SPIDR: variants seen among roughly 807,000 people sequenced by gnomAD.
SPIDR encodes the protein scaffold protein involved in DNA repair.
In SPIDR, 93 loss-of-function variants were observed where a neutral mutation model predicts 104.6. That is an observed-to-expected ratio of 0.89 (90% confidence interval 0.75 to 1.06). The LOEUF is 1.06. Ranked by LOEUF, SPIDR falls within the 50% of genes least tolerant of loss-of-function variation. The pLI, the probability that SPIDR is intolerant of heterozygous loss-of-function variation, is 0.00. For synonymous variants in SPIDR, 431 were observed against 416.9 expected (o/e 1.03, Z -0.41); for missense variants, 1,154 against 1,111.2 (o/e 1.04, Z -0.55).
intron 5 of SPIDR, among the ~76,000 whole-genome samples, chr8:47,310,264 G>T (rs900652539): frequency 2.2e-4 from 33 of 151,362 alleles, no homozygotes; most frequent in African/African-American, 7.8e-4. Flanking sequence ...AACCCAGGAG[G>T]TGGAGGTCGC....
chr8:47,367,979 C>T (rs752821302), intron 5 of SPIDR, among the ~76,000 whole-genome samples: 3 of 152,016 alleles, frequency 2.0e-5, no homozygotes, highest in Admixed American at 1.3e-4. Flanking sequence ...TACCACAGAT[C>T]GAGTGGCGTA....
rs375140101 is a variant in SPIDR at position 47,303,214 on chromosome 8, G to A, written c.525+9184G>A. Reference sequence around the variant, plus strand: ...TCAGACTGCTGTGCTAGCAATGAGCGAGGCTCCGTGGGCGTAGGACTCTCC... The same window carrying A: ...TCAGACTGCTGTGCTAGCAATGAGCAAGGCTCCGTGGGCGTAGGACTCTCC... On this transcript the variant is annotated intron_variant, in intron 5 of 19. Coordinates refer to ENST00000297423, the MANE Select transcript of SPIDR (RefSeq NM_001080394.4). Among the ~76,000 whole-genome samples the A allele has an allele frequency of 1.3e-4, 20 of 152,204 alleles. No individual in the cohort carries two copies. In the East Asian group the frequency reaches 3.1e-3, roughly 24 times the overall value.
chr8:47,551,121 A>C (rs557380599), intron 8 of SPIDR, among the ~76,000 whole-genome samples: 5 of 152,252 alleles, frequency 3.3e-5, no homozygotes, highest in African/African-American at 4.8e-5. Flanking sequence ...GGATGAAGCC[A>C]ACTTGCTCGT....
intron 10 of SPIDR, chr8:47,653,834 A>G (rs2072155417): frequency 3.7e-6 from 1 of 273,570 alleles, no homozygotes; most frequent in Non-Finnish European, 5.6e-6. Flanking sequence ...TATAATACAT[A>G]GTAAATGTGA....
chr8:47,710,471 T>C (rs1167673829), intron 14 of SPIDR, among the ~76,000 whole-genome samples: 4 of 136,826 alleles, frequency 2.9e-5, no homozygotes, highest in African/African-American at 8.6e-5. Context: ...AATATTCACC[T>C]TTTTTTTTTT....
At position 47,707,473 on chromosome 8, in the gene SPIDR, A is replaced by G. The variant is rs1255506828; in HGVS notation, c.1978-5189A>G. Among the ~76,000 whole-genome samples the G allele has an allele frequency of 6.6e-5, 10 of 152,122 alleles. 1 individual carries two copies. In the South Asian group the frequency reaches 1.0e-3, roughly 16 times the overall value. ...TTGTTGAGTCTTTAAAGTTATTTCT[A>G]TTTTTTAAATACAAAACCTTTGTCA... On this transcript the variant is annotated intron_variant, in intron 14 of 19. Coordinates refer to ENST00000297423, the MANE Select transcript of SPIDR (RefSeq NM_001080394.4).
intron 10 of SPIDR, among the ~76,000 whole-genome samples, chr8:47,667,044 G>A (rs982343709): frequency 6.6e-6 from 1 of 152,128 alleles, no homozygotes; most frequent in African/African-American, 2.4e-5. Flanking sequence ...ACTTTGGGAG[G>A]CCAAGGCAGG....
intron 8 of SPIDR, among the ~76,000 whole-genome samples, chr8:47,519,870 A>C (rs996384584): frequency 6.6e-6 from 1 of 152,216 alleles, no homozygotes; most frequent in Non-Finnish European, 1.5e-5. Flanking sequence ...CATATGCTTG[A>C]TTGGAGACAT....
At chr8:47,370,439 ATTT>A (rs34220804) in intron 5 of SPIDR, among the ~76,000 whole-genome samples, 2 of 99,074 alleles carry the variant, frequency 2.0e-5, no homozygotes. Flanking sequence ...AGAGGTCAAG[ATTT>A]TTTTTTTTTT....
intron 5 of SPIDR, among the ~76,000 whole-genome samples, chr8:47,359,769 T>C (rs1472811866): frequency 1.3e-5 from 2 of 152,216 alleles, no homozygotes; most frequent in Non-Finnish European, 2.9e-5. Flanking sequence ...TCATAATTAG[T>C]GGTTTTCATT....
chr8:47,440,228 C>T (rs2069145513), intron 7 of SPIDR, 95 bp from the exon 8 acceptor site: 7 of 1,072,316 alleles, frequency 6.5e-6, no homozygotes, highest in Non-Finnish European at 9.6e-6. Flanking sequence ...AGAGTGCTAT[C>T]TGCATGTGGA....
intron 5 of SPIDR, among the ~76,000 whole-genome samples, chr8:47,351,317 C>T (rs1322964804): frequency 2.0e-5 from 3 of 152,150 alleles, no homozygotes; most frequent in African/African-American, 7.2e-5. Flanking sequence ...AACATATCCT[C>T]TCAGAATTGA....
chr8:47,605,492 C>A (rs952405222), intron 10 of SPIDR, among the ~76,000 whole-genome samples: 1 of 152,154 alleles, frequency 6.6e-6, no homozygotes, highest in Non-Finnish European at 1.5e-5. Context: ...AAAAGAACTG[C>A]AATGAGGGCA....
chr8:47,707,229 G>A lies in SPIDR; in HGVS notation c.1977+5214G>A, dbSNP rs1212187231. Among the ~76,000 whole-genome samples, 12 of 150,566 alleles carry A rather than the reference G, an allele frequency of 8.0e-5. No homozygotes were observed. The South Asian group carries it at 1.7e-3, about 21-fold the overall frequency. ...GATCGCTCCATTGCACTCCAGCCTGGGTGACAGAGTGAGACTCTTTCTCAA... is the reference window on the plus strand; with the variant it reads ...GATCGCTCCATTGCACTCCAGCCTGAGTGACAGAGTGAGACTCTTTCTCAA... On this transcript the variant is annotated intron_variant, in intron 14 of 19. Transcript: ENST00000297423.
At chr8:47,491,999 C>T (rs149767900) in intron 8 of SPIDR, among the ~76,000 whole-genome samples, 21 of 152,288 alleles carry the variant, frequency 1.4e-4, no homozygotes, top group African/African-American at 4.8e-4. Context: ...AACGAGGTGA[C>T]GCTGTCTTAT....
intron 7 of SPIDR, among the ~76,000 whole-genome samples, chr8:47,435,229 G>A (rs2068071689): frequency 6.6e-6 from 1 of 151,910 alleles, no homozygotes; most frequent in Non-Finnish European, 1.5e-5. Context: ...TGAACTCCTG[G>A]CCTCGAGCTC....
chr8:47,339,447 C>G (rs1178096256), intron 5 of SPIDR, among the ~76,000 whole-genome samples: 1 of 151,960 alleles, frequency 6.6e-6, no homozygotes, highest in Non-Finnish European at 1.5e-5. Flanking sequence ...TGTAATTAAC[C>G]TATATCTTAA....
chr8:47,400,852 A>G (rs782550926), intron 6 of SPIDR, among the ~76,000 whole-genome samples: 3 of 152,038 alleles, frequency 2.0e-5, no homozygotes, highest in Admixed American at 1.3e-4. Flanking sequence ...GACAAAATCT[A>G]CGTCTGATTG....
chr8:47,293,752 A>G (rs2040353592), intron 4 of SPIDR, 115 bp from the exon 5 acceptor site: 1 of 1,176,192 alleles, frequency 8.5e-7, no homozygotes, highest in Non-Finnish European at 1.2e-6. Context: ...CTGGCCCTAA[A>G]TATATTTTTT....
Sources: allele counts gnomAD v4.1 joint callset (sites outside exome capture counted in the v4.1 genomes callset), GRCh38; gene constraint gnomAD v4.1.1; transcripts MANE v1.5; gene names NCBI Gene and HGNC (gene_info 2026-07-23, HGNC 2026-07-21).